The following ADH4 variants were observed in gnomAD, a reference collection of about 807,000 sequenced individuals.
ADH4 encodes alcohol dehydrogenase 4 (class II), pi polypeptide, also known as all-trans-retinol dehydrogenase [NAD(+)] ADH4.
ADH4 carries 31 observed loss-of-function variants against 35.2 expected under a neutral mutation model. The ratio of observed to expected loss-of-function variants is 0.88; its 90% CI spans 0.66 to 1.19. ADH4 has a LOEUF of 1.19. ADH4 is among the 50% of genes most tolerant of loss of function. The pLI is 0.00. For missense variants in ADH4, 476 were observed against 458.3 expected, an observed-to-expected ratio of 1.04 and a Z score of -0.35; for synonymous variants, 171 against 160.2, an observed-to-expected ratio of 1.07 and a Z score of -0.51.
In ADH4 at chr4:99,141,548, G is replaced by T. The variant is rs568631109; in HGVS notation, c.255C>A (p.Val85=). Reference sequence around the variant, plus strand: ...CTGAATAAAATAAAATACCTGGTTTGACGTTGGTCACTCCTGGCCCAATAC... The same window carrying T: ...CTGAATAAAATAAAATACCTGGTTTTACGTTGGTCACTCCTGGCCCAATAC... ...VESIGPGVTN[V]KPGDKVIPLY... The change falls in exon 3 of 9, where the codon GTC becomes GTA. Residue 85 remains valine, a synonymous_variant. Transcript: ENST00000265512. The T allele has an allele frequency of 6.2e-7, 1 of 1,606,240 alleles. No homozygotes were observed. Among genetic ancestry groups the T allele is most frequent in the Admixed American group, 1.7e-5 (1 of 57,576 alleles).
chr4:99,139,332 A>C (rs1180099115), intron 3 of ADH4, among the ~76,000 whole-genome samples, 184 bp from the exon 4 acceptor site: 1 of 152,164 alleles, frequency 6.6e-6, no homozygotes, highest in African/African-American at 2.4e-5. Flanking sequence ...CATATATTGT[A>C]TTTTTTAAAA....
Position 99,136,511 on chromosome 4 carries a change from T to C in ADH4, c.537A>G (p.Gly179=). The C allele has an allele frequency of 1.2e-6, 2 of 1,614,114 alleles. No homozygotes were observed. The highest frequency in any genetic ancestry group is 1.7e-6 in the Non-Finnish European group (2 of 1,180,000). The change falls in exon 5 of 9, where the codon GGA becomes GGG. Residue 179 remains glycine, a synonymous_variant. Transcript: ENST00000265512. ...CCCCATAGCCAGTTGAAAACCCACA[T>C]CCAAGCAGACAAACTCTCTCTAAAT... ...DANLERVCLL[G]CGFSTGYGAA...
chr4:99,144,076 G>A lies in ADH4; in HGVS notation c.18+129C>T, dbSNP rs1173981858. 3.7e-5 allele frequency: 36 copies of A among 983,220 alleles called. No homozygotes were observed. In the Admixed American group the frequency reaches 7.1e-4, roughly 19 times the overall value. 60.9% of individuals were successfully genotyped at this position (983,220 alleles called of 1,614,324 possible). A position where few individuals can be genotyped will look rare whatever the true frequency, so the allele number is the denominator to read the frequency against. On this transcript the variant is annotated intron_variant, in intron 1 of 8. Coordinates refer to ENST00000265512, the MANE Select transcript of ADH4 (RefSeq NM_000670.5). ...CCCTAGAATAAATTCCTGGCATAGG[G>A]GTCACTCATATCCTTTTGATCAACT...
At position 99,127,323 on chromosome 4, in the gene ADH4, T is replaced by G; in HGVS notation, c.865A>C (p.Thr289Pro). The G allele has an allele frequency of 6.2e-7, 1 of 1,612,096 alleles. No individual in the cohort carries two copies. Among genetic ancestry groups the G allele is most frequent in the Non-Finnish European group, 8.5e-7 (1 of 1,178,880 alleles). ...ETMKAALDCT[T>P]AGWGSCTFIG... The stretch of plus-strand genomic sequence containing the variant: ...AAAGTACATGATCCCCAGCCTGCGG[T>G]TGTACAGTCCAGGGCTGCTTTCTGT... The change falls in exon 7 of 9, where the codon ACC (threonine) becomes CCC (proline). Residue 289 changes from threonine to proline, a missense_variant. By Grantham distance (38) the Thr-to-Pro change is conservative (BLOSUM62 -1). Coordinates refer to ENST00000265512, the MANE Select transcript of ADH4 (RefSeq NM_000670.5).
At position 99,127,309 on chromosome 4, in the gene ADH4, TC is replaced by T. The variant is rs1560775007; in HGVS notation, c.878del (p.Gly293AspfsTer8). The stretch of plus-strand genomic sequence containing the variant: ...CAGCTACTCCAATGAAAGTACATGA[TC>T]CCCAGCCTGCGGTTGTACAGTCCAG... ...AALDCTTAGW[G>X]SCTFIGVAAG... On this transcript the variant is annotated frameshift_variant, in exon 7 of 9. Transcript: ENST00000265512. LOFTEE classifies it high-confidence loss of function. The T allele has an allele frequency of 4.3e-6, 7 of 1,612,462 alleles. No homozygotes were observed. The highest frequency in any genetic ancestry group is 5.9e-6 in the Non-Finnish European group (7 of 1,179,034).
chr4:99,131,916 A>G, intron 5 of ADH4, 152 bp from the exon 6 acceptor site: 3 of 748,522 alleles, frequency 4.0e-6, no homozygotes, highest in Non-Finnish European at 6.2e-6. Flanking sequence ...AAATCTGCCA[A>G]TGCGAAAATG....
chr4:99,125,857 T>C (rs924548873), intron 8 of ADH4, among the ~76,000 whole-genome samples: 2 of 152,174 alleles, frequency 1.3e-5, no homozygotes, highest in African/African-American at 4.8e-5. Context: ...CCTCCTCTCT[T>C]TTGTTGTATC....
rs1728993775 is a variant in ADH4, at chr4:99,123,936, T to C, written c.*506A>G. On this transcript the variant is annotated 3_prime_UTR_variant, in exon 9 of 9. Transcript: ENST00000265512. ...CCCAGGTATGAAGCCCAGCATCCAT[T>C]AGCTATTCTTCCTGATGCTCTCTCT... 1 of 157,328 alleles carries C rather than the reference T, an allele frequency of 6.4e-6. No individual in the cohort carries two copies. The highest frequency in any genetic ancestry group is 2.4e-5 in the African/African-American group (1 of 41,450). The allele number at this position is 157,328 out of a possible 1,614,324, so 9.7% of individuals were successfully genotyped here.
rs374688327 is a variant in ADH4 at position 99,142,363 on chromosome 4, A to G, written c.120+316T>C. ...ATCTTCCTTTTAATAACACTTTCAAATAATTAGCAATTGGAAAGCAAAAAG... is the reference window on the plus strand; with the variant it reads ...ATCTTCCTTTTAATAACACTTTCAAGTAATTAGCAATTGGAAAGCAAAAAG... On this transcript the variant is annotated intron_variant, in intron 2 of 8. Coordinates refer to ENST00000265512, the MANE Select transcript of ADH4 (RefSeq NM_000670.5). Among the ~76,000 whole-genome samples the G allele has an allele frequency of 1.6e-3, 238 of 152,366 alleles. 1 individual carries two copies. Among genetic ancestry groups the G allele is most frequent in the Middle Eastern group, 3.4e-3 (1 of 294 alleles).
chr4:99,138,479 C>T (rs1354635028), intron 4 of ADH4, among the ~76,000 whole-genome samples: 3 of 152,186 alleles, frequency 2.0e-5, no homozygotes, highest in African/African-American at 7.2e-5. Flanking sequence ...GGGTTAAAAA[C>T]CTGGCTCTAA....
At chr4:99,130,153 T>A in intron 6 of ADH4, among the ~76,000 whole-genome samples, 1 of 152,266 alleles carries the variant, frequency 6.6e-6, no homozygotes, top group Non-Finnish European at 1.5e-5. Flanking sequence ...TTTGATGATT[T>A]ATTTGGCTAA....
At chr4:99,133,452 G>T (rs1488685861) in intron 5 of ADH4, 1 of 152,202 alleles carries the variant, frequency 6.6e-6, no homozygotes, top group Non-Finnish European at 1.5e-5. Context: ...ATACAGAGAA[G>T]TTGCTTCACT....
intron 3 of ADH4, among the ~76,000 whole-genome samples, chr4:99,139,814 A>G (rs1729556609): frequency 6.6e-6 from 1 of 152,226 alleles, no homozygotes; most frequent in African/African-American, 2.4e-5. Flanking sequence ...AAGTGACATA[A>G]CTGGCCAAGA....
intron 4 of ADH4, among the ~76,000 whole-genome samples, chr4:99,137,812 T>A (rs1308406371): frequency 4.6e-5 from 7 of 152,140 alleles, no homozygotes; most frequent in African/African-American, 1.7e-4. Flanking sequence ...TTGAAGCAAA[T>A]CCCAGATATC....
chr4:99,136,490 A>T lies in ADH4; in HGVS notation c.558T>A (p.Tyr186Ter), dbSNP rs768205793. 6.2e-7 allele frequency: 1 copy of T among 1,614,126 alleles called. No individual in the cohort carries two copies. The highest frequency in any genetic ancestry group is 1.7e-5 in the Admixed American group (1 of 60,012). ...CLLGCGFSTGYGAAINNAKVT... is the reference protein window; with the variant it reads ...CLLGCGFSTG ...CCTTGGCATTGTTGATTGCAGCCCC[A>T]TAGCCAGTTGAAAACCCACATCCAA... The change falls in exon 5 of 9, where the codon TAT becomes TAA. Residue 186 changes from tyrosine to a stop codon, truncating the protein, a stop_gained. Transcript: ENST00000265512. LOFTEE classifies it high-confidence loss of function.
chr4:99,138,698 T>G (rs1477364380), intron 4 of ADH4, among the ~76,000 whole-genome samples: 1 of 152,246 alleles, frequency 6.6e-6, no homozygotes, highest in Non-Finnish European at 1.5e-5. Flanking sequence ...TTCAGCAATT[T>G]GCTTATTTCC....
At chr4:99,143,757 T>G (rs1184306800) in intron 1 of ADH4, among the ~76,000 whole-genome samples, 1 of 152,168 alleles carries the variant, frequency 6.6e-6, no homozygotes, top group Non-Finnish European at 1.5e-5. Context: ...AGACAAAAAA[T>G]AGAATAAGAT....
At chr4:99,132,686 T>G (rs1729324596) in intron 5 of ADH4, among the ~76,000 whole-genome samples, 1 of 152,160 alleles carries the variant, frequency 6.6e-6, no homozygotes, top group African/African-American at 2.4e-5. Flanking sequence ...ATGCTGTAAC[T>G]GGAATATGTT....
intron 4 of ADH4, among the ~76,000 whole-genome samples, 162 bp downstream of exon 4, chr4:99,138,899 A>G (rs898736336): frequency 2.6e-5 from 4 of 152,178 alleles, no homozygotes; most frequent in Admixed American, 2.6e-4. Flanking sequence ...ATTCCAGCAC[A>G]TGTTTCTTTG....
Sources: gnomAD v4.1 joint callset for allele counts (sites outside exome capture counted in the v4.1 genomes callset) on GRCh38, gnomAD v4.1.1 for gene constraint, MANE v1.5 for transcripts, NCBI Gene and HGNC (gene_info 2026-07-23, HGNC 2026-07-21) for gene names.